The following VKORC1L1 variants were observed in gnomAD, a reference collection of about 807,000 sequenced individuals.
The protein encoded by VKORC1L1 is vitamin K epoxide reductase complex subunit 1L1, also known as vitamin K epoxide reductase complex subunit 1-like protein 1.
A neutral mutation model predicts 18.9 loss-of-function variants in VKORC1L1; 2 were observed. That is an observed-to-expected ratio of 0.11 (90% CI 0.04 to 0.33). VKORC1L1 has a LOEUF of 0.33. VKORC1L1 is among the 10% of genes least tolerant of loss of function. VKORC1L1 has a pLI of 1.00. For synonymous variants in VKORC1L1, 96 were observed against 100.0 expected, an observed-to-expected ratio of 0.96 and a Z score of 0.24; for missense variants, 123 against 224.1, an observed-to-expected ratio of 0.55 and a Z score of 2.88.
chr7:65,881,138 G>A (rs1483640114), intron 1 of VKORC1L1, among the ~76,000 whole-genome samples: 1 of 152,156 alleles, frequency 6.6e-6, no homozygotes, highest in Non-Finnish European at 1.5e-5. Flanking sequence ...TATTCAACCT[G>A]TACTACATTG....
intron 1 of VKORC1L1, among the ~76,000 whole-genome samples, chr7:65,913,339 C>T (rs1173685324): frequency 6.6e-6 from 1 of 151,850 alleles, no homozygotes; most frequent in East Asian, 1.9e-4. Flanking sequence ...GGAAGGAGAT[C>T]TGGGCCTGCT....
At position 65,959,117 on chromosome 7, in the gene VKORC1L1, A is replaced by G. The variant is rs1353912544; in HGVS notation, c.*4817A>G. Reference sequence around the variant, plus strand: ...TCAGGAGTTCAAGACCAGCCTGGCCAACATGGTGAAACCTGCCTCTACTGA... The same window carrying G: ...TCAGGAGTTCAAGACCAGCCTGGCCGACATGGTGAAACCTGCCTCTACTGA... On this transcript the variant is annotated 3_prime_UTR_variant, in exon 3 of 3. Transcript: ENST00000360768. 2.0e-5 allele frequency: 3 copies of G among 152,226 alleles called. No homozygotes were observed. Among genetic ancestry groups the G allele is most frequent in the Admixed American group, 2.0e-4 (3 of 15,270 alleles). The allele number at this position is 152,226 out of a possible 1,614,324, so 9.4% of individuals were successfully genotyped here.
intron 1 of VKORC1L1, among the ~76,000 whole-genome samples, chr7:65,900,672 G>A (rs942353113): frequency 5.1e-4 from 78 of 152,134 alleles, no homozygotes; most frequent in African/African-American, 1.8e-3. Flanking sequence ...GGGTGTTGTG[G>A]CACATGCCTG....
intron 1 of VKORC1L1, 31 bp from the exon 2 acceptor site, chr7:65,948,640 T>C (rs1790159363): frequency 1.3e-6 from 1 of 777,138 alleles, no homozygotes; most frequent in South Asian, 1.9e-5. Context: ...GAAATTCAAA[T>C]ATAGGGTTAC....
intron 1 of VKORC1L1, among the ~76,000 whole-genome samples, chr7:65,939,183 C>T (rs1240889087): frequency 3.3e-5 from 5 of 152,158 alleles, no homozygotes; most frequent in African/African-American, 1.2e-4. Flanking sequence ...GCTTTTATAA[C>T]CTTTGATGAC....
intron 1 of VKORC1L1, among the ~76,000 whole-genome samples, chr7:65,930,476 A>G (rs1215448906): frequency 1.3e-5 from 2 of 152,222 alleles, no homozygotes; most frequent in Non-Finnish European, 2.9e-5. Context: ...AACAGCAAAA[A>G]TTAGGGAAGC....
At chr7:65,934,800 G>A (rs748249736) in intron 1 of VKORC1L1, among the ~76,000 whole-genome samples, 22 of 152,018 alleles carry the variant, frequency 1.4e-4, no homozygotes, top group Non-Finnish European at 2.9e-4. Flanking sequence ...CATGCCTGTG[G>A]TCTCAGCATT....
chr7:65,909,122 G>A (rs890253167), intron 1 of VKORC1L1, among the ~76,000 whole-genome samples: 74 of 144,230 alleles, frequency 5.1e-4, no homozygotes, highest in East Asian at 9.4e-4. Context: ...GATTACAGGC[G>A]TGAGCCACCA....
At chr7:65,896,542 CCCTT>C (rs1313713163) in intron 1 of VKORC1L1, among the ~76,000 whole-genome samples, 49 of 142,716 alleles carry the variant, frequency 3.4e-4, no homozygotes, top group East Asian at 6.3e-4. Flanking sequence ...CTCCCTCCCT[CCCTT>C]CCTCCCTCCT....
Position 65,956,256 on chromosome 7 carries a change from G to T in VKORC1L1, c.*1956G>T. 6.6e-6 allele frequency: 1 copy of T among 152,326 alleles called. No individual in the cohort carries two copies. The highest frequency in any genetic ancestry group is 1.5e-5 in the Non-Finnish European group (1 of 68,036). 9.4% of individuals were successfully genotyped at this position (152,326 alleles called of 1,614,324 possible). A position where few individuals can be genotyped will look rare whatever the true frequency, so the allele number is the denominator to read the frequency against. ...TAGCAGCGCATCCAGCTCTACCAAG[G>T]CAGTCCTCTGGTTCTTTTTTCTAAG... On this transcript the variant is annotated 3_prime_UTR_variant, in exon 3 of 3. Transcript: ENST00000360768.
intron 1 of VKORC1L1, among the ~76,000 whole-genome samples, chr7:65,936,231 C>T (rs1789940490): frequency 6.6e-6 from 1 of 151,816 alleles, no homozygotes; most frequent in Admixed American, 6.6e-5. Flanking sequence ...GATGTAATAA[C>T]TGTTTTAAAT....
At chr7:65,906,233 G>A (rs1014278421) in intron 1 of VKORC1L1, among the ~76,000 whole-genome samples, 1 of 151,958 alleles carries the variant, frequency 6.6e-6, no homozygotes, top group Non-Finnish European at 1.5e-5. Context: ...TCAGGAGTTC[G>A]AGACCAGCCT....
At chr7:65,878,400 T>C (rs371868831) in intron 1 of VKORC1L1, among the ~76,000 whole-genome samples, 1 of 151,822 alleles carries the variant, frequency 6.6e-6, no homozygotes, top group Admixed American at 6.6e-5. Context: ...TAAGCCGAGA[T>C]TGTGCCACTG....
intron 1 of VKORC1L1, among the ~76,000 whole-genome samples, chr7:65,947,464 G>C (rs1294639267): frequency 1.3e-5 from 2 of 148,894 alleles, no homozygotes; most frequent in African/African-American, 2.5e-5. Flanking sequence ...TCAATCCAGA[G>C]TTAACATTAT....
intron 1 of VKORC1L1, among the ~76,000 whole-genome samples, chr7:65,908,799 T>G (rs1441545684): frequency 7.3e-6 from 1 of 136,098 alleles, no homozygotes; most frequent in East Asian, 2.2e-4. Context: ...ATCGTGCCAG[T>G]GCACTCTAGC....
At chr7:65,867,167 C>G in the VKORC1L1 span, among the ~76,000 whole-genome samples, 2 of 151,744 alleles carry the variant, frequency 1.3e-5, no homozygotes, top group Non-Finnish European at 2.9e-5. Flanking sequence ...AGCCTGGTGA[C>G]AGAGGGAGAC....
chr7:65,873,506 G>A lies in VKORC1L1; in HGVS notation c.135G>A (p.Glu45=), dbSNP rs1300045214. 1.9e-6 allele frequency: 3 copies of A among 1,593,156 alleles called. No homozygotes were observed. Among genetic ancestry groups the A allele is most frequent in the Admixed American group, 3.4e-5 (2 of 58,726 alleles). The change falls in exon 1 of 3, where the codon GAG becomes GAA. Residue 45 remains glutamate, a synonymous_variant. Coordinates refer to ENST00000360768, the MANE Select transcript of VKORC1L1 (RefSeq NM_173517.6). ...AGCGGGAGAAGGAGCGGGACCCCGA[G>A]CACCGGGCCCTCTGCGACCTGGGGC... ...HVEREKERDP[E]HRALCDLGPW...
chr7:65,874,592 G>C (rs1182471865), intron 1 of VKORC1L1, among the ~76,000 whole-genome samples: 1 of 152,020 alleles, frequency 6.6e-6, no homozygotes, highest in African/African-American at 2.4e-5. Context: ...TGGATCATGA[G>C]GTCAGGAGTT....
intron 1 of VKORC1L1, among the ~76,000 whole-genome samples, chr7:65,939,752 C>T (rs565484259): frequency 6.6e-6 from 1 of 152,134 alleles, no homozygotes; most frequent in African/African-American, 2.4e-5. Flanking sequence ...AACAGATTTG[C>T]GAACTCAACC....
Sources: gnomAD v4.1 joint callset for allele counts (sites outside exome capture counted in the v4.1 genomes callset) on GRCh38, gnomAD v4.1.1 for gene constraint, MANE v1.5 for transcripts, NCBI Gene and HGNC (gene_info 2026-07-23, HGNC 2026-07-21) for gene names.